Variants in CDHR1 observed in about 807,000 individuals in gnomAD.
The protein encoded by CDHR1 is cadherin related family member 1, also known as cadherin-related family member 1.
In CDHR1, 61 loss-of-function variants were observed where a neutral mutation model predicts 72.1. The observed-to-expected ratio is 0.85, with a 90% CI of 0.69 to 1.05. CDHR1 has a LOEUF of 1.05. CDHR1 is among the 50% of genes least tolerant of loss of function. CDHR1 has a pLI of 0.00. For missense variants in CDHR1, 1,186 were observed against 1,115.7 expected (o/e 1.06, Z -0.90); for synonymous variants, 470 against 448.1 (o/e 1.05, Z -0.62).
In CDHR1 at chr10:84,215,598, C is replaced by A; in HGVS notation, c.*977C>A. The stretch of plus-strand genomic sequence containing the variant: ...CTCATCTGTAAATGAAGAAAGTAGG[C>A]CCTGTCTACCTCACATGCAGGTCTA... On this transcript the variant is annotated 3_prime_UTR_variant, in exon 17 of 17. Transcript: ENST00000623527. 1 of 893,482 alleles carries A rather than the reference C, an allele frequency of 1.1e-6. No homozygotes were observed. Among genetic ancestry groups the A allele is most frequent in the Non-Finnish European group, 1.3e-6 (1 of 746,092 alleles). 55.3% of individuals were successfully genotyped at this position (893,482 alleles called of 1,614,324 possible).
chr10:84,206,400 G>T (rs144074458), intron 10 of CDHR1, among the ~76,000 whole-genome samples: 28 of 152,322 alleles, frequency 1.8e-4, no homozygotes, highest in African/African-American at 6.5e-4. Flanking sequence ...CGCTAGAGCC[G>T]GGCATGTGAC....
At position 84,215,184 on chromosome 10, in the gene CDHR1, T is replaced by C; in HGVS notation, c.*563T>C. 9.9e-7 allele frequency: 1 copy of C among 1,006,694 alleles called. No individual in the cohort carries two copies. The highest frequency in any genetic ancestry group is 1.2e-6 in the Non-Finnish European group (1 of 842,580). The allele number at this position is 1,006,694 out of a possible 1,614,324, so 62.4% of individuals were successfully genotyped here. On this transcript the variant is annotated 3_prime_UTR_variant, in exon 17 of 17. Coordinates refer to ENST00000623527, the MANE Select transcript of CDHR1 (RefSeq NM_033100.4). ...GAGCAAGGATGCACAGAAAACACAC[T>C]GACTGTGGGACTGTGCCAGGATGCA... is the stretch of plus-strand genomic sequence containing the variant.
chr10:84,214,766 C>A lies in CDHR1; in HGVS notation c.*145C>A. The A allele has an allele frequency of 6.4e-7, 1 of 1,561,638 alleles. No homozygotes were observed. On this transcript the variant is annotated 3_prime_UTR_variant, in exon 17 of 17. Transcript: ENST00000623527. ...TAATCCCCACTGTCCTCATCTCTAC[C>A]GCCACCTTCTGGCGCAACAAGAAGT...
Position 84,197,780 on chromosome 10 carries a change from T to A in CDHR1, c.298-6T>A. ...TGGACACTCACTCAGTCCCTGTGCT[T>A]CACAGAGGGAAGATGAGATTGAAGC... On this transcript the variant is annotated splice_polypyrimidine_tract_variant and splice_region_variant and intron_variant, in intron 3 of 16. Coordinates refer to ENST00000623527, the MANE Select transcript of CDHR1 (RefSeq NM_033100.4). 1 of 1,613,162 alleles carries A rather than the reference T, an allele frequency of 6.2e-7. No homozygotes were observed. Among genetic ancestry groups the A allele is most frequent in the Middle Eastern group, 1.7e-4 (1 of 6,044 alleles).
intron 7 of CDHR1, 30 bp downstream of exon 7, chr10:84,201,950 T>A: frequency 1.3e-6 from 2 of 1,538,940 alleles, no homozygotes; most frequent in Non-Finnish European, 1.8e-6. Context: ...GAGCATCCAG[T>A]GTCTCCTCAG....
chr10:84,214,848 C>A lies in CDHR1; in HGVS notation c.*227C>A. ...GGGCAAGACATTGGGCTCTAGGATG[C>A]AATTGGCAAATACGTCCCCGTTACT... On this transcript the variant is annotated 3_prime_UTR_variant, in exon 17 of 17. Coordinates refer to ENST00000623527, the MANE Select transcript of CDHR1 (RefSeq NM_033100.4). The A allele has an allele frequency of 6.8e-7, 1 of 1,461,114 alleles. No homozygotes were observed. The highest frequency in any genetic ancestry group is 9.0e-7 in the Non-Finnish European group (1 of 1,116,570). The allele number at this position is 1,461,114 out of a possible 1,614,324, so 90.5% of individuals were successfully genotyped here.
Position 84,203,267 on chromosome 10 carries a change from C to A in CDHR1, c.783+144C>A, listed in dbSNP as rs944008529. On this transcript the variant is annotated intron_variant, in intron 8 of 16. Coordinates refer to ENST00000623527, the MANE Select transcript of CDHR1 (RefSeq NM_033100.4). ...AGAGGCCAGCTCTGGACTCACCCAG[C>A]CTCAGGCCATGAACTGGCCCTTTTG... 1.4e-5 allele frequency: 15 copies of A among 1,061,208 alleles called. No individual in the cohort carries two copies. The African/African-American group carries it at 1.9e-4, about 13-fold the overall frequency. The allele number at this position is 1,061,208 out of a possible 1,614,324, so 65.7% of individuals were successfully genotyped here.
chr10:84,215,495 C>A lies in CDHR1; in HGVS notation c.*874C>A. ...ATATCAGGGCTGAGATGTGGTGAGA[C>A]TTCCGTTTTTATCCAGCTCTTTTGC... On this transcript the variant is annotated 3_prime_UTR_variant, in exon 17 of 17. Coordinates refer to ENST00000623527, the MANE Select transcript of CDHR1 (RefSeq NM_033100.4). 3 of 971,800 alleles carry A rather than the reference C, an allele frequency of 3.1e-6. No individual in the cohort carries two copies. Among genetic ancestry groups the A allele is most frequent in the Non-Finnish European group, 3.7e-6 (3 of 817,552 alleles). The allele number at this position is 971,800 out of a possible 1,614,324, so 60.2% of individuals were successfully genotyped here.
chr10:84,208,021 G>C (rs1474766625), intron 10 of CDHR1, among the ~76,000 whole-genome samples, 153 bp from the exon 11 acceptor site: 1 of 152,194 alleles, frequency 6.6e-6, no homozygotes, highest in Non-Finnish European at 1.5e-5. Flanking sequence ...GTGATAGCTT[G>C]CCATCTTTGC....
At chr10:84,205,215 T>G (rs1842203098) in intron 9 of CDHR1, among the ~76,000 whole-genome samples, 1 of 152,132 alleles carries the variant, frequency 6.6e-6, no homozygotes, top group African/African-American at 2.4e-5. Context: ...GTACCAGAAG[T>G]GTGCATGTCT....
Position 84,215,073 on chromosome 10 carries a change from G to A in CDHR1, c.*452G>A, listed in dbSNP as rs1842405986. The A allele has an allele frequency of 4.7e-6, 5 of 1,062,292 alleles. No individual in the cohort carries two copies. In the African/African-American group the frequency reaches 5.1e-5, roughly 11 times the overall value. 65.8% of individuals were successfully genotyped at this position (1,062,292 alleles called of 1,614,324 possible). A position where few individuals can be genotyped will look rare whatever the true frequency, so the allele number is the denominator to read the frequency against. On this transcript the variant is annotated 3_prime_UTR_variant, in exon 17 of 17. Transcript: ENST00000623527. ...TCCTGACGCCTGCAGCTGAGAGCAG[G>A]AGCAGGAAAAGGAGGCTCAGCACTG...
intron 15 of CDHR1, 83 bp from the exon 16 acceptor site, chr10:84,213,008 G>GCC (rs1842362819): frequency 1.3e-6 from 2 of 1,553,698 alleles, no homozygotes; most frequent in African/African-American, 2.7e-5. Flanking sequence ...AACCCAGCAA[G>GCC]CCCCATATGA....
At chr10:84,195,946 G>A (rs559236788) in intron 2 of CDHR1, among the ~76,000 whole-genome samples, 27 of 152,362 alleles carry the variant, frequency 1.8e-4, no homozygotes, top group Middle Eastern at 3.4e-3. Flanking sequence ...GAGATATGCA[G>A]AGAGAGGGGA....
intron 10 of CDHR1, among the ~76,000 whole-genome samples, chr10:84,206,160 T>C (rs1476541158): frequency 6.6e-6 from 1 of 151,266 alleles, no homozygotes; most frequent in African/African-American, 2.4e-5. Flanking sequence ...TGCAGGTGCA[T>C]GCTGCCAGAG....
Position 84,197,775 on chromosome 10 carries a change from G to T in CDHR1, c.298-11G>T. The T allele has an allele frequency of 6.2e-7, 1 of 1,612,756 alleles. No homozygotes were observed. Among genetic ancestry groups the T allele is most frequent in the South Asian group, 1.1e-5 (1 of 91,050 alleles). On this transcript the variant is annotated splice_polypyrimidine_tract_variant and intron_variant, in intron 3 of 16. Transcript: ENST00000623527. ...ACTCCTGGACACTCACTCAGTCCCT[G>T]TGCTTCACAGAGGGAAGATGAGATT...
In CDHR1 at chr10:84,195,526, A is replaced by T. The variant is rs200370713; in HGVS notation, c.88A>T (p.Asn30Tyr). 6.2e-7 allele frequency: 1 copy of T among 1,614,084 alleles called. No individual in the cohort carries two copies. Among genetic ancestry groups the T allele is most frequent in the Non-Finnish European group, 8.5e-7 (1 of 1,179,982 alleles). The stretch of plus-strand genomic sequence containing the variant: ...CAACTTCGCCCCGCACTTCTTCGAC[A>T]ACGGGGTCGGCAGCACCAACGGAAA... ...QANFAPHFFD[N>Y]GVGSTNGNMA... Residue 30 changes from asparagine (N) to tyrosine (Y), a missense_variant, in exon 2 of 17, where the codon AAC (asparagine) becomes TAC (tyrosine). Asn to Tyr is a moderately radical substitution (Grantham distance 143, BLOSUM62 -2). Coordinates refer to ENST00000623527, the MANE Select transcript of CDHR1 (RefSeq NM_033100.4).
In CDHR1 at chr10:84,194,639, C is replaced by T. The variant is rs374559539; in HGVS notation, c.-122C>T. The T allele has an allele frequency of 5.6e-6, 4 of 718,482 alleles. No individual in the cohort carries two copies. The highest frequency in any genetic ancestry group is 3.5e-5 in the East Asian group (1 of 28,426). 44.5% of individuals were successfully genotyped at this position (718,482 alleles called of 1,614,324 possible). On this transcript the variant is annotated 5_prime_UTR_variant, in exon 1 of 17. Coordinates refer to ENST00000623527, the MANE Select transcript of CDHR1 (RefSeq NM_033100.4). ...CGCTCCCGCCCCGTGCCCCCTCCCGCCGCGGCTGCAGTCGCCGCTACCCCC... is the reference window on the plus strand; with the variant it reads ...CGCTCCCGCCCCGTGCCCCCTCCCGTCGCGGCTGCAGTCGCCGCTACCCCC...
At chr10:84,194,939 G>C (rs1393001843) in intron 1 of CDHR1, 124 bp downstream of exon 1, 195 of 957,526 alleles carry the variant, frequency 2.0e-4, no homozygotes, top group East Asian at 2.6e-5. Context: ...GCTGGTGGAC[G>C]GGAGCGGAGA....
intron 11 of CDHR1, 117 bp downstream of exon 11, chr10:84,208,494 C>T: frequency 8.5e-7 from 1 of 1,180,316 alleles, no homozygotes; most frequent in Non-Finnish European, 1.2e-6. Flanking sequence ...AGGTGGGCCA[C>T]AAAATGAATG....
Sources: gnomAD v4.1 joint callset for allele counts (sites outside exome capture counted in the v4.1 genomes callset) on GRCh38, gnomAD v4.1.1 for gene constraint, MANE v1.5 for transcripts, NCBI Gene and HGNC (gene_info 2026-07-23, HGNC 2026-07-21) for gene names.